Variants in XKR9 observed in about 807,000 individuals in gnomAD.
The protein encoded by XKR9 is XK-related protein 9.
A neutral mutation model predicts 32.0 loss-of-function variants in XKR9; 32 were observed. That is an observed-to-expected ratio of 1.00 (90% CI 0.76 to 1.34). The LOEUF (loss-of-function observed/expected upper bound fraction) is 1.34. Among genes scored for constraint, XKR9 ranks in the 40% most tolerant of loss-of-function variants. The pLI is 0.00. For synonymous variants in XKR9, 168 were observed against 143.4 expected (o/e 1.17, Z -1.22); for missense variants, 546 against 429.7 (o/e 1.27, Z -2.39).
the XKR9 span, among the ~76,000 whole-genome samples, chr8:70,947,873 C>T: frequency 6.6e-6 from 1 of 152,142 alleles, no homozygotes; most frequent in Admixed American, 6.6e-5. Context: ...AATATAAATC[C>T]ACTCATCTAG....
chr8:70,780,545 G>A lies in XKR9; in HGVS notation n.353-8794G>A, dbSNP rs568738171. ...TATTTTGGAAGTTTTCCAGCTACAA[G>A]CCAGGAAAGCGAAGGATTTCCAAAA... On this transcript the variant is annotated intron_variant and non_coding_transcript_variant, in intron 2 of 3. Coordinates refer to the XKR9 transcript ENST00000520273. Among the ~76,000 whole-genome samples, 158 of 152,100 alleles carry A rather than the reference G, an allele frequency of 1.0e-3. 1 individual carries two copies. Among genetic ancestry groups the A allele is most frequent in the Middle Eastern group, 6.8e-3 (2 of 294 alleles).
the XKR9 span, among the ~76,000 whole-genome samples, chr8:71,049,502 T>C: frequency 6.6e-6 from 1 of 152,166 alleles, no homozygotes; most frequent in African/African-American, 2.4e-5. Flanking sequence ...GAGGGGAAGG[T>C]AGACATGTGA....
chr8:70,903,195 G>T, the XKR9 span, among the ~76,000 whole-genome samples: 1 of 152,116 alleles, frequency 6.6e-6, no homozygotes, highest in Non-Finnish European at 1.5e-5. Context: ...CTACTGATTG[G>T]TGTAGTTTCA....
chr8:71,015,654 A>G, the XKR9 span, among the ~76,000 whole-genome samples: 1 of 152,204 alleles, frequency 6.6e-6, no homozygotes, highest in Non-Finnish European at 1.5e-5. Flanking sequence ...ATTTAACTGC[A>G]GGGTTTTTAT....
intron 4 of XKR9, among the ~76,000 whole-genome samples, chr8:70,712,056 C>T (rs1187692523): frequency 1.3e-5 from 2 of 152,116 alleles, no homozygotes; most frequent in Admixed American, 1.3e-4. Flanking sequence ...TATTTCTGCT[C>T]CTTCTGAAAT....
chr8:70,993,650 CT>C, the XKR9 span, among the ~76,000 whole-genome samples: 9 of 150,488 alleles, frequency 6.0e-5, no homozygotes, highest in African/African-American at 2.2e-4. Context: ...TCCTTCCTTC[CT>C]TCCTTCCTTC....
chr8:70,761,600 C>T (rs1807309739), intron 2 of XKR9, among the ~76,000 whole-genome samples: 1 of 152,076 alleles, frequency 6.6e-6, no homozygotes, highest in Non-Finnish European at 1.5e-5. Flanking sequence ...GGATATTAGA[C>T]CTTTGTCAGA....
the XKR9 span, among the ~76,000 whole-genome samples, chr8:70,982,906 T>C: frequency 6.6e-6 from 1 of 152,236 alleles, no homozygotes; most frequent in African/African-American, 2.4e-5. Context: ...CTCTGTATCA[T>C]TATTGGGACT....
At chr8:70,802,091 C>T in the XKR9 span, among the ~76,000 whole-genome samples, 1 of 151,938 alleles carries the variant, frequency 6.6e-6, no homozygotes, top group Non-Finnish European at 1.5e-5. Flanking sequence ...CGCCCACCAC[C>T]ACGCCCGGCT....
rs554841751 is a variant in XKR9, at chr8:70,765,465, G to A, written n.353-23874G>A. ...TAAATTTAAGTGCCTCATAAATTCT[G>A]GATATTATCCCTTTGTCAGATGGAT... On this transcript the variant is annotated intron_variant and non_coding_transcript_variant, in intron 2 of 3. Coordinates refer to the XKR9 transcript ENST00000520273. Among the ~76,000 whole-genome samples the A allele has an allele frequency of 4.6e-5, 7 of 152,148 alleles. No homozygotes were observed. In the East Asian group the frequency reaches 1.4e-3, roughly 29 times the overall value.
At chr8:70,693,375 A>G (rs1432584167) in intron 3 of XKR9, among the ~76,000 whole-genome samples, 9 of 152,164 alleles carry the variant, frequency 5.9e-5, no homozygotes, top group Admixed American at 5.9e-4. Flanking sequence ...TAGGCTTATC[A>G]GTCAGTTGGT....
chr8:70,955,212 A>G, the XKR9 span, among the ~76,000 whole-genome samples: 2 of 152,322 alleles, frequency 1.3e-5, no homozygotes, highest in East Asian at 3.9e-4. Context: ...CTGGGCTCAA[A>G]GCTCAATAAA....
At chr8:70,684,433 C>T (rs1288096940) in intron 3 of XKR9, among the ~76,000 whole-genome samples, 2 of 152,060 alleles carry the variant, frequency 1.3e-5, no homozygotes, top group African/African-American at 4.8e-5. Context: ...TGCTATCATT[C>T]ATTTCACTTG....
chr8:70,793,571 C>T (rs555310842), downstream of XKR9, among the ~76,000 whole-genome samples: 1 of 152,152 alleles, frequency 6.6e-6, no homozygotes, highest in East Asian at 1.9e-4. Context: ...AAATGAATCC[C>T]TTTTCTTTAT....
chr8:70,701,938 A>G (rs1332113568), intron 3 of XKR9, among the ~76,000 whole-genome samples: 1 of 152,178 alleles, frequency 6.6e-6, no homozygotes, highest in Non-Finnish European at 1.5e-5. Context: ...TGATGGATAT[A>G]TGAAAGGCAT....
intron 4 of XKR9, among the ~76,000 whole-genome samples, chr8:70,724,984 T>C (rs1416667771): frequency 1.3e-5 from 2 of 152,152 alleles, no homozygotes; most frequent in African/African-American, 4.8e-5. Flanking sequence ...GCAGTGCTGG[T>C]AGGGGCCTCA....
chr8:70,875,997 T>C, the XKR9 span, among the ~76,000 whole-genome samples: 2 of 152,130 alleles, frequency 1.3e-5, no homozygotes, highest in African/African-American at 4.8e-5. Context: ...TAAGCATATT[T>C]AATACAGAAA....
At chr8:71,026,456 A>T in the XKR9 span, among the ~76,000 whole-genome samples, 1 of 152,232 alleles carries the variant, frequency 6.6e-6, no homozygotes, top group Non-Finnish European at 1.5e-5. Flanking sequence ...ATAGGGCTTT[A>T]TTCCAGTAGG....
the XKR9 span, among the ~76,000 whole-genome samples, chr8:70,890,465 A>T: frequency 6.6e-6 from 1 of 151,960 alleles, no homozygotes; most frequent in African/African-American, 2.4e-5. Flanking sequence ...AGTCTTTAGA[A>T]TGCTGAGATA....
Sources: allele counts gnomAD v4.1 joint callset (sites outside exome capture counted in the v4.1 genomes callset), GRCh38; gene constraint gnomAD v4.1.1; transcripts MANE v1.5; gene names NCBI Gene and HGNC (gene_info 2026-07-23, HGNC 2026-07-21).